Variants in NRG3 observed in about 807,000 individuals in gnomAD.
NRG3 encodes the protein neuregulin 3.
In NRG3, 31 loss-of-function variants were observed where a neutral mutation model predicts 66.9. The ratio of observed to expected loss-of-function variants is 0.46; its 90% CI spans 0.35 to 0.63. The LOEUF is 0.63. Among genes scored for constraint, NRG3 ranks in the 20% least tolerant of loss-of-function variants. NRG3 has a pLI of 0.00. For synonymous variants in NRG3, 393 were observed against 359.4 expected (o/e 1.09, Z -1.06); for missense variants, 910 against 878.9 (o/e 1.04, Z -0.45).
At chr10:82,806,415 TA>T (rs1467264319) in intron 3 of NRG3, among the ~76,000 whole-genome samples, 1 of 152,200 alleles carries the variant, frequency 6.6e-6, no homozygotes, top group Non-Finnish European at 1.5e-5. Context: ...TTTATAAAAA[TA>T]TATACTAAAG....
intron 1 of NRG3, among the ~76,000 whole-genome samples, chr10:82,145,326 C>T (rs11814402): frequency 0.064 from 9,796 of 152,164 alleles, 1,047 homozygotes; most frequent in African/African-American, 0.22. Context: ...TATTTGATGT[C>T]CAAGTTGGTA....
Position 82,648,898 on chromosome 10 carries a change from G to A in NRG3, c.954-89679G>A, listed in dbSNP as rs528108371. Among the ~76,000 whole-genome samples the A allele has an allele frequency of 5.9e-5, 9 of 152,266 alleles. No homozygotes were observed. In the East Asian group the frequency reaches 1.4e-3, roughly 23 times the overall value. On this transcript the variant is annotated intron_variant, in intron 2 of 8. Transcript: ENST00000372141. ...CTGAAGTTGCTGATCAGCTTAAGGA[G>A]ATTTTGGGCTGAGACAATGCAACAA...
At chr10:81,892,649 AAT>A (rs1843132489) in intron 1 of NRG3, among the ~76,000 whole-genome samples, 2 of 152,148 alleles carry the variant, frequency 1.3e-5, no homozygotes, top group African/African-American at 4.8e-5. Flanking sequence ...AGAGTAGATG[AAT>A]GGTTGCCAGA....
intron 4 of NRG3, among the ~76,000 whole-genome samples, chr10:82,890,185 G>C (rs995249390): frequency 2.7e-5 from 4 of 146,304 alleles, no homozygotes; most frequent in Non-Finnish European, 6.0e-5. Context: ...AAAAAAATAA[G>C]TTGTTTTTCT....
intron 3 of NRG3, among the ~76,000 whole-genome samples, chr10:82,788,647 G>C (rs2135351514): frequency 6.6e-6 from 1 of 151,928 alleles, no homozygotes. Flanking sequence ...GAGAAAATAA[G>C]ATATATTAAG....
intron 1 of NRG3, among the ~76,000 whole-genome samples, chr10:82,014,900 A>G (rs955512327): frequency 2.9e-4 from 44 of 152,172 alleles, no homozygotes; most frequent in African/African-American, 1.0e-3. Context: ...CCAGCAAGGA[A>G]CAGAGATTTC....
At chr10:82,296,686 T>G (rs1360321365) in intron 1 of NRG3, among the ~76,000 whole-genome samples, 1 of 152,154 alleles carries the variant, frequency 6.6e-6, no homozygotes, top group East Asian at 1.9e-4. Context: ...TTCTTCTAGC[T>G]GTTTTCAAAT....
chr10:82,760,299 T>C (rs1163250261), intron 3 of NRG3, among the ~76,000 whole-genome samples: 1 of 152,106 alleles, frequency 6.6e-6, no homozygotes, highest in African/African-American at 2.4e-5. Context: ...TAACTCATGA[T>C]GCTAGTGATC....
chr10:82,587,223 T>A (rs1426950720), intron 2 of NRG3, among the ~76,000 whole-genome samples: 2 of 152,200 alleles, frequency 1.3e-5, no homozygotes, highest in African/African-American at 4.8e-5. Flanking sequence ...ATTAAAATAG[T>A]CATTAAGGAT....
chr10:82,687,087 G>A (rs2054574614), intron 2 of NRG3, among the ~76,000 whole-genome samples: 1 of 152,116 alleles, frequency 6.6e-6, no homozygotes, highest in Non-Finnish European at 1.5e-5. Context: ...ATGCCCTCCG[G>A]AGCAACCATC....
chr10:82,619,987 G>A (rs954480248), intron 2 of NRG3, among the ~76,000 whole-genome samples: 2 of 152,102 alleles, frequency 1.3e-5, no homozygotes, highest in Non-Finnish European at 2.9e-5. Flanking sequence ...CCCCTTCATC[G>A]GACTTGTGAC....
intron 2 of NRG3, among the ~76,000 whole-genome samples, chr10:82,550,970 A>C (rs915041787): frequency 6.6e-6 from 1 of 151,966 alleles, no homozygotes; most frequent in African/African-American, 2.4e-5. Context: ...CCAGATCCCC[A>C]CACCCTCCCC....
chr10:82,124,220 C>G (rs180911675), intron 1 of NRG3, among the ~76,000 whole-genome samples: 3 of 151,854 alleles, frequency 2.0e-5, no homozygotes, highest in African/African-American at 7.2e-5. Context: ...AATTGGCTTT[C>G]GAACTGATGA....
intron 1 of NRG3, among the ~76,000 whole-genome samples, chr10:82,017,618 A>C (rs1182247278): frequency 1.1e-4 from 16 of 152,020 alleles, no homozygotes; most frequent in Admixed American, 2.6e-4. Flanking sequence ...CTGACTTTTT[A>C]ATGATCGCCA....
intron 2 of NRG3, among the ~76,000 whole-genome samples, chr10:82,627,770 A>C (rs2049528947): frequency 6.6e-6 from 1 of 152,192 alleles, no homozygotes; most frequent in African/African-American, 2.4e-5. Flanking sequence ...GCCATGACTT[A>C]AAAACTCACT....
At chr10:82,832,523 G>A (rs555924360) in intron 3 of NRG3, among the ~76,000 whole-genome samples, 1 of 152,256 alleles carries the variant, frequency 6.6e-6, no homozygotes, top group South Asian at 2.1e-4. Flanking sequence ...TATTAAGGGA[G>A]TCTATATTCA....
intron 4 of NRG3, among the ~76,000 whole-genome samples, chr10:82,887,586 G>T (rs1458576489): frequency 6.6e-6 from 1 of 152,172 alleles, no homozygotes; most frequent in African/African-American, 2.4e-5. Context: ...GAAGTATTTT[G>T]TGCAGTTTAT....
At chr10:82,236,873 G>A (rs927995373) in intron 1 of NRG3, among the ~76,000 whole-genome samples, 6 of 151,610 alleles carry the variant, frequency 4.0e-5, no homozygotes, top group African/African-American at 7.3e-5. Context: ...CCACCACAAC[G>A]CCCAGCTAGC....
At chr10:82,138,857 C>T (rs1445712580) in intron 1 of NRG3, among the ~76,000 whole-genome samples, 2 of 152,082 alleles carry the variant, frequency 1.3e-5, no homozygotes, top group African/African-American at 4.8e-5. Context: ...CAAGTCTGCT[C>T]TTCCATCTTC....
Sources: gnomAD v4.1 joint callset for allele counts (sites outside exome capture counted in the v4.1 genomes callset) on GRCh38, gnomAD v4.1.1 for gene constraint, MANE v1.5 for transcripts, NCBI Gene and HGNC (gene_info 2026-07-23, HGNC 2026-07-21) for gene names.